The following PI4K2A variants were observed in gnomAD, a reference collection of about 807,000 sequenced individuals.
PI4K2A encodes the protein phosphatidylinositol 4-kinase type 2-alpha.
In PI4K2A, 20 loss-of-function variants were observed where a neutral mutation model predicts 55.0. The observed-to-expected ratio is 0.36, with a 90% confidence interval of 0.26 to 0.53. The LOEUF (loss-of-function observed/expected upper bound fraction) is 0.53, where lower values mean the gene tolerates loss of function less well. Among genes scored for constraint, PI4K2A ranks in the 20% least tolerant of loss-of-function variants. The pLI is 0.91. For missense variants in PI4K2A, 463 were observed against 637.1 expected, an observed-to-expected ratio of 0.73 and a Z score of 2.94; for synonymous variants, 235 against 258.5, an observed-to-expected ratio of 0.91 and a Z score of 0.87.
Position 97,656,290 on chromosome 10 carries a change from A to G in PI4K2A, c.642A>G (p.Val214=), listed in dbSNP as rs376717843. The G allele has an allele frequency of 6.2e-7, 1 of 1,613,468 alleles. No individual in the cohort carries two copies. The change falls in exon 3 of 9, where the codon GTA becomes GTG. Residue 214 remains valine, a synonymous_variant. Transcript: ENST00000370631. This position sits in a 1 kb window ranked among gnomAD's most constrained non-coding sequence, Gnocchi z 4.5. ...TCTCTTCTCTTTCACTGTAGGTAGT[A>G]TACCTGGCCAGTGAGACCTTCAACT...
chr10:97,672,980 T>G (rs1171369741), intron 8 of PI4K2A, among the ~76,000 whole-genome samples: 3 of 151,378 alleles, frequency 2.0e-5, no homozygotes, highest in Non-Finnish European at 4.4e-5. Context: ...TTTTTGTGTT[T>G]TTTTTTTTTC....
intron 1 of PI4K2A, among the ~76,000 whole-genome samples, chr10:97,642,134 A>C (rs1205321791): frequency 2.0e-5 from 3 of 152,038 alleles, no homozygotes; most frequent in Non-Finnish European, 4.4e-5. Context: ...GTTTCCTCAG[A>C]TTTTCCCTGA....
chr10:97,642,928 T>C (rs146419288), intron 1 of PI4K2A, among the ~76,000 whole-genome samples: 6,251 of 116,582 alleles, frequency 0.054, 768 homozygotes, highest in African/African-American at 0.21. Flanking sequence ...TTCCTTCCTT[T>C]CTTTCCTTTC....
At chr10:97,666,383 G>C in intron 6 of PI4K2A, 55 bp from the exon 7 acceptor site, 2 of 1,570,184 alleles carry the variant, frequency 1.3e-6, no homozygotes, top group Non-Finnish European at 1.7e-6. Context: ...GGAGGACACA[G>C]ATGAGCAGGG....
At chr10:97,665,653 C>CG (rs2041606452) in intron 6 of PI4K2A, among the ~76,000 whole-genome samples, 1 of 147,230 alleles carries the variant, frequency 6.8e-6, no homozygotes, top group Admixed American at 6.8e-5. Flanking sequence ...AGTGCAGTGG[C>CG]GCGATCTCGG....
At chr10:97,675,857 C>T (rs1247622879) in exon 9 of PI4K2A, 12 of 152,602 alleles carry the variant, frequency 7.9e-5, no homozygotes, top group Non-Finnish European at 5.9e-5. Context: ...CCCAGAATGC[C>T]GGGGGAGGCT....
At chr10:97,662,500 C>T (rs756426301) in intron 4 of PI4K2A, among the ~76,000 whole-genome samples, 1 of 152,144 alleles carries the variant, frequency 6.6e-6, no homozygotes, top group African/African-American at 2.4e-5. Flanking sequence ...TGCTTCAGGT[C>T]GTAACCCAAA....
rs182907961 is a variant in PI4K2A at position 97,653,903 on chromosome 10, C to T, written c.637-2382C>T. On this transcript the variant is annotated intron_variant, in intron 2 of 8. Transcript: ENST00000370631. The stretch of plus-strand genomic sequence containing the variant: ...CCACACTCTATCCTGGGCAACAGAG[C>T]GAGACTCCGTCTCAAAAAAAAAAAA... Among the ~76,000 whole-genome samples, 796 of 145,052 alleles carry T rather than the reference C, an allele frequency of 5.5e-3. 8 individuals carry two copies. Among genetic ancestry groups the T allele is most frequent in the Middle Eastern group, 0.031 (9 of 290 alleles).
At position 97,662,986 on chromosome 10, in the gene PI4K2A, A is replaced by T. The variant is rs776791823; in HGVS notation, c.984+18A>T. On this transcript the variant is annotated intron_variant, in intron 5 of 8. Coordinates refer to ENST00000370631, the Ensembl canonical transcript of PI4K2A. ...GCTCTCGGGTAAGAGACTGAGATAA[A>T]TCTTAAAGAGAATGAAGAGTATTTG... 6.7e-7 allele frequency: 1 copy of T among 1,498,960 alleles called. No individual in the cohort carries two copies. The highest frequency in any genetic ancestry group is 9.3e-7 in the Non-Finnish European group (1 of 1,075,100). The allele number at this position is 1,498,960 out of a possible 1,614,324, so 92.9% of individuals were successfully genotyped here.
rs539011518 is a variant in PI4K2A at position 97,671,132 on chromosome 10, C to T, written c.1279-2449C>T. Among the ~76,000 whole-genome samples the T allele has an allele frequency of 5.5e-5, 8 of 145,150 alleles. No individual in the cohort carries two copies. The South Asian group carries it at 7.3e-4, about 13-fold the overall frequency. Reference sequence around the variant, plus strand: ...AGCCTGGGCAAGAAGAGCGAAACTCCGTCTCAGAAAAAAAAAAAGAGAGAG... The same window carrying T: ...AGCCTGGGCAAGAAGAGCGAAACTCTGTCTCAGAAAAAAAAAAAGAGAGAG... On this transcript the variant is annotated intron_variant, in intron 8 of 8. Coordinates refer to ENST00000370631, the Ensembl canonical transcript of PI4K2A.
intron 2 of PI4K2A, among the ~76,000 whole-genome samples, chr10:97,655,390 A>AAAAT (rs762558597): frequency 6.0e-4 from 85 of 141,572 alleles, no homozygotes; most frequent in Non-Finnish European, 8.9e-4. Context: ...AAAAAAAAAA[A>AAAAT]TTTTTTTTCA....
intron 1 of PI4K2A, among the ~76,000 whole-genome samples, chr10:97,642,640 C>T (rs945284190): frequency 1.3e-5 from 2 of 151,918 alleles, no homozygotes; most frequent in African/African-American, 2.4e-5. Context: ...CTGCCCACCT[C>T]GGCCTCCCAA....
At chr10:97,671,704 A>G (rs1032403666) in intron 8 of PI4K2A, among the ~76,000 whole-genome samples, 18 of 151,992 alleles carry the variant, frequency 1.2e-4, no homozygotes, top group African/African-American at 3.9e-4. Flanking sequence ...CAATGGCACA[A>G]TCTCACCTCA....
chr10:97,669,878 C>G (rs998995166), intron 8 of PI4K2A, among the ~76,000 whole-genome samples: 9 of 152,082 alleles, frequency 5.9e-5, no homozygotes, highest in African/African-American at 2.2e-4. Context: ...AATCTAGGGT[C>G]TGAGAGAAAG....
At chr10:97,642,890 TTCCTTCCTTCCTTC>T (rs2041484385) in intron 1 of PI4K2A, among the ~76,000 whole-genome samples, 1 of 127,806 alleles carries the variant, frequency 7.8e-6, no homozygotes, top group Admixed American at 7.9e-5. Context: ...TCTTTCTTCC[TTCCTTCCTTCCTTC>T]CTTCCTTCCT....
chr10:97,675,141 G>A (rs931910100), exon 9 of PI4K2A: 3 of 152,642 alleles, frequency 2.0e-5, no homozygotes, highest in African/African-American at 7.2e-5. Context: ...TCACAATTCT[G>A]GCACCTTGCG....
intron 5 of PI4K2A, among the ~76,000 whole-genome samples, chr10:97,663,760 C>T (rs1244039338): frequency 6.7e-6 from 1 of 148,428 alleles, no homozygotes; most frequent in Non-Finnish European, 1.5e-5. Flanking sequence ...GCTGAGGTTG[C>T]AGTGAGCCAA....
exon 1 of PI4K2A, chr10:97,641,021 C>T (rs2041465308): frequency 1.3e-6 from 2 of 1,576,290 alleles, no homozygotes; most frequent in Non-Finnish European, 1.7e-6. Flanking sequence ...CGGCAGCCCA[C>T]GCCGCTCAGG....
Position 97,659,670 on chromosome 10 carries a change from C to A in PI4K2A, c.922+2696C>A, listed in dbSNP as rs573111812. Among the ~76,000 whole-genome samples, 10 of 152,176 alleles carry A rather than the reference C, an allele frequency of 6.6e-5. No homozygotes were observed. In the East Asian group the frequency reaches 1.9e-3, roughly 29 times the overall value. ...CACCTTGGCACCCTCAAGCTATTTG[C>A]AAGCTGCTCCTGGAACTTGTGCACA... On this transcript the variant is annotated intron_variant, in intron 4 of 8. Transcript: ENST00000370631.
Sources: allele counts gnomAD v4.1 joint callset (sites outside exome capture counted in the v4.1 genomes callset), GRCh38; gene constraint gnomAD v4.1.1; non-coding constraint Gnocchi (gnomAD v3.1); transcripts MANE v1.5; gene names NCBI Gene and HGNC (gene_info 2026-07-23, HGNC 2026-07-21).